NDUFA10: variants seen among roughly 807,000 people sequenced by gnomAD.
The protein encoded by NDUFA10 is NADH dehydrogenase [ubiquinone] 1 alpha subcomplex subunit 10, mitochondrial.
NDUFA10 carries 40 observed loss-of-function variants against 47.8 expected under a neutral mutation model. That is an observed-to-expected ratio of 0.84 (90% CI 0.65 to 1.09). The LOEUF (loss-of-function observed/expected upper bound fraction) is 1.09. Ranked by LOEUF, NDUFA10 falls within the 50% of genes least tolerant of loss-of-function variation. The probability of loss-of-function intolerance (pLI) is 0.00; values close to 1 mark genes in which losing one functional copy is unlikely to be tolerated. For missense variants in NDUFA10, 413 were observed against 451.1 expected (o/e 0.92, Z 0.76); for synonymous variants, 183 against 172.2 (o/e 1.06, Z -0.49).
chr2:239,980,802 G>C (rs1290400552), intron 9 of NDUFA10, among the ~76,000 whole-genome samples: 1 of 152,200 alleles, frequency 6.6e-6, no homozygotes, highest in East Asian at 1.9e-4. Flanking sequence ...GGACGCCCAA[G>C]AGCTGCAGAG....
rs111927644 is a variant in NDUFA10 at position 239,960,640 on chromosome 2, T to G, written c.*478A>C. ...AAAACTCTTCAGCATAATGTAAGCC[T>G]CAATTAAACCACACCACACCAAACA... On this transcript the variant is annotated 3_prime_UTR_variant, in exon 10 of 10. Transcript: ENST00000252711. The G allele has an allele frequency of 9.5e-7, 1 of 1,048,978 alleles. No homozygotes were observed. The highest frequency in any genetic ancestry group is 1.6e-5 in the African/African-American group (1 of 60,838). The allele number at this position is 1,048,978 out of a possible 1,614,324, so 65.0% of individuals were successfully genotyped here.
Position 239,928,987 on chromosome 2 carries a change from C to G in NDUFA10, c.295-33673G>C, listed in dbSNP as rs1400735149. Reference sequence around the variant, plus strand: ...CTCTTCCTCCTGCACCTACTCCTGTCTCTGTCCAGTGCTCCCCACTGGCGC... The same window carrying G: ...CTCTTCCTCCTGCACCTACTCCTGTGTCTGTCCAGTGCTCCCCACTGGCGC... On this transcript the variant is annotated intron_variant, in intron 4 of 5. Transcript: ENST00000419408. This position sits in a 1 kb window ranked among gnomAD's most constrained non-coding sequence, Gnocchi z 4.3. Among the ~76,000 whole-genome samples the G allele has an allele frequency of 6.6e-6, 1 of 152,276 alleles. No individual in the cohort carries two copies. Among genetic ancestry groups the G allele is most frequent in the Non-Finnish European group, 1.5e-5 (1 of 68,052 alleles).
At chr2:239,943,037 T>G (rs759383793) in intron 4 of NDUFA10, 5 of 154,450 alleles carry the variant, frequency 3.2e-5, no homozygotes, top group Non-Finnish European at 5.9e-5. Context: ...AGACCAGAGC[T>G]GGCTTCACCT....
chr2:239,917,818 G>A (rs1693902153), intron 4 of NDUFA10, among the ~76,000 whole-genome samples: 1 of 152,212 alleles, frequency 6.6e-6, no homozygotes, highest in Non-Finnish European at 1.5e-5. Flanking sequence ...AGATCCTCCT[G>A]CTTTACCCCA....
At chr2:240,002,326 G>A (rs1696754529) in intron 8 of NDUFA10, among the ~76,000 whole-genome samples, 1 of 73,886 alleles carries the variant, frequency 1.4e-5, no homozygotes, top group South Asian at 5.6e-4. Context: ...GCAAAACTCT[G>A]ACTCAAAAAA....
At chr2:239,974,552 G>A (rs553884479) in intron 9 of NDUFA10, among the ~76,000 whole-genome samples, 1 of 152,262 alleles carries the variant, frequency 6.6e-6, no homozygotes, top group African/African-American at 2.4e-5. Context: ...GTCAGAGGTG[G>A]GGCCTGGTGG....
chr2:239,968,049 A>C (rs1213910872), intron 9 of NDUFA10, among the ~76,000 whole-genome samples: 1 of 151,744 alleles, frequency 6.6e-6, no homozygotes, highest in Non-Finnish European at 1.5e-5. Context: ...TCTACTGGTG[A>C]AACGCTGTGT....
At position 240,011,477 on chromosome 2, in the gene NDUFA10, T is replaced by C. The variant is rs953153724; in HGVS notation, c.749+140A>G. ...AAACTGAAATGTCTCCTGTTTTTCT[T>C]ATTTATAAACATCAGATTAAACATC... On this transcript the variant is annotated intron_variant, in intron 6 of 9. Coordinates refer to ENST00000252711, the MANE Select transcript of NDUFA10 (RefSeq NM_004544.4). 37 of 711,194 alleles carry C rather than the reference T, an allele frequency of 5.2e-5. 2 individuals carry two copies. Among genetic ancestry groups the C allele is most frequent in the South Asian group, 4.6e-4 (29 of 62,642 alleles). The allele number at this position is 711,194 out of a possible 1,614,324, so 44.1% of individuals were successfully genotyped here.
intron 5 of NDUFA10, 63 bp from the exon 6 acceptor site, chr2:240,011,759 G>T: frequency 7.1e-7 from 1 of 1,404,394 alleles, no homozygotes; most frequent in Non-Finnish European, 1.0e-6. Context: ...TGACCTGTGC[G>T]TATATAAAAT....
At chr2:239,990,046 C>T (rs750583575) in intron 9 of NDUFA10, 28 bp downstream of exon 9, 8 of 1,529,146 alleles carry the variant, frequency 5.2e-6, no homozygotes, top group Middle Eastern at 1.7e-4. Context: ...CATCCACTGG[C>T]CAGCTTTCTC....
intron 4 of NDUFA10, among the ~76,000 whole-genome samples, chr2:239,916,558 C>T (rs1693883278): frequency 1.3e-5 from 2 of 152,266 alleles, no homozygotes; most frequent in South Asian, 4.1e-4. Context: ...AGACCACATC[C>T]TCATCTGCAT....
chr2:239,895,143 C>T (rs774355520), intron 5 of NDUFA10: 30 of 363,838 alleles, frequency 8.2e-5, no homozygotes, highest in Middle Eastern at 7.6e-4. Context: ...ATCACTGACC[C>T]AGTCCACGTC....
rs561950434 is a variant in NDUFA10, at chr2:239,921,709, G to A, written c.295-26395C>T. Reference sequence around the variant, plus strand: ...TACAATCCCCTTGTAAGGCCAGGCCGAGGAGACCCGGGATGAGGCCGGGTC... The same window carrying A: ...TACAATCCCCTTGTAAGGCCAGGCCAAGGAGACCCGGGATGAGGCCGGGTC... On this transcript the variant is annotated intron_variant, in intron 4 of 5. Transcript: ENST00000419408. Among the ~76,000 whole-genome samples, 19 of 152,280 alleles carry A rather than the reference G, an allele frequency of 1.2e-4. 1 individual carries two copies. Among genetic ancestry groups the A allele is most frequent in the Middle Eastern group, 6.8e-3 (2 of 294 alleles).
chr2:239,963,448 C>A (rs1204626547), intron 9 of NDUFA10, among the ~76,000 whole-genome samples: 2 of 152,216 alleles, frequency 1.3e-5, no homozygotes, highest in Non-Finnish European at 2.9e-5. Context: ...TCTGACAAGA[C>A]CTTTGGCCTA....
At chr2:239,904,492 G>A (rs1047024133) in intron 4 of NDUFA10, among the ~76,000 whole-genome samples, 11 of 152,072 alleles carry the variant, frequency 7.2e-5, no homozygotes, top group African/African-American at 2.2e-4. Context: ...TTGGGGTTTC[G>A]CCATGTTGGC....
At chr2:239,983,603 A>T in intron 9 of NDUFA10, 1 of 1,591,980 alleles carries the variant, frequency 6.3e-7, no homozygotes, top group Non-Finnish European at 8.5e-7. Flanking sequence ...AGCAAGCACG[A>T]CCTCAGCCAG....
At chr2:239,988,697 G>C (rs1325894992) in intron 9 of NDUFA10, among the ~76,000 whole-genome samples, 2 of 152,204 alleles carry the variant, frequency 1.3e-5, no homozygotes, top group African/African-American at 4.8e-5. Flanking sequence ...GACAGGGAAC[G>C]AACACCAAGT....
intron 4 of NDUFA10, among the ~76,000 whole-genome samples, chr2:239,944,954 G>A (rs1050224622): frequency 2.0e-5 from 3 of 151,782 alleles, no homozygotes; most frequent in Non-Finnish European, 4.4e-5. Flanking sequence ...TGCACCCCGC[G>A]CCCAGAGCTC....
At chr2:239,900,396 C>T (rs1305793183) in intron 4 of NDUFA10, among the ~76,000 whole-genome samples, 3 of 141,146 alleles carry the variant, frequency 2.1e-5, no homozygotes, top group Non-Finnish European at 3.1e-5. Context: ...AGAACCTTGA[C>T]TAATACAGGC....
Sources: gnomAD v4.1 joint callset for allele counts (sites outside exome capture counted in the v4.1 genomes callset) on GRCh38, gnomAD v4.1.1 for gene constraint, Gnocchi (gnomAD v3.1) non-coding constraint, MANE v1.5 for transcripts, NCBI Gene and HGNC (gene_info 2026-07-23, HGNC 2026-07-21) for gene names.